ZC3H15: variants seen among roughly 807,000 people sequenced by gnomAD.
ZC3H15 encodes zinc finger CCCH domain-containing protein 15.
In ZC3H15, 15 loss-of-function variants were observed where a neutral mutation model predicts 51.2. The ratio of observed to expected loss-of-function variants is 0.29; its 90% CI spans 0.20 to 0.45. The LOEUF is 0.45. ZC3H15 is among the 20% of genes least tolerant of loss of function. The probability of loss-of-function intolerance (pLI) is 1.00; values close to 1 mark genes in which losing one functional copy is unlikely to be tolerated. For synonymous variants in ZC3H15, 144 were observed against 162.8 expected, an observed-to-expected ratio of 0.88 and a Z score of 0.88; for missense variants, 381 against 494.7, an observed-to-expected ratio of 0.77 and a Z score of 2.18.
intron 5 of ZC3H15, among the ~76,000 whole-genome samples, chr2:186,503,721 G>C (rs1260511103): frequency 6.6e-6 from 1 of 152,094 alleles, no homozygotes; most frequent in African/African-American, 2.4e-5. Context: ...TCTGATTCGG[G>C]GGCGTACATT....
intron 4 of ZC3H15, 28 bp downstream of exon 4, chr2:186,501,453 A>T: frequency 6.3e-7 from 1 of 1,590,944 alleles, no homozygotes; most frequent in African/African-American, 1.3e-5. Context: ...ACTCTCTTAA[A>T]AATAAATGTT....
intron 3 of ZC3H15, 135 bp downstream of exon 3, chr2:186,500,428 C>CCACTGACATAGGTAATT: frequency 1.3e-6 from 1 of 783,276 alleles, no homozygotes; most frequent in Non-Finnish European, 2.1e-6. Context: ...TCAAAATTAC[C>CCACTGACATAGGTAATT]TATGTCAGTG....
intron 9 of ZC3H15, 21 bp from the exon 10 acceptor site, chr2:186,508,522 G>A: frequency 6.2e-7 from 1 of 1,610,846 alleles, no homozygotes; most frequent in Non-Finnish European, 8.5e-7. Context: ...ACGCCTTACT[G>A]ATTCCAGTTT....
intron 1 of ZC3H15, among the ~76,000 whole-genome samples, chr2:186,492,214 T>C (rs1233155141): frequency 6.6e-6 from 1 of 152,194 alleles, no homozygotes; most frequent in Admixed American, 6.5e-5. Flanking sequence ...TATTTTTTTC[T>C]AGAGCCTCCT....
intron 3 of ZC3H15, among the ~76,000 whole-genome samples, chr2:186,500,975 C>A (rs527961394): frequency 1.7e-4 from 26 of 152,240 alleles, no homozygotes; most frequent in Non-Finnish European, 3.1e-4. Flanking sequence ...GCCTGGCCTC[C>A]TTTTTGCCTC....
rs1685456631 is a variant in ZC3H15 at position 186,505,757 on chromosome 2, G to A, written c.882G>A (p.Val294=). Residue 294 remains valine, a synonymous_variant, in exon 8 of 10, where the codon GTG becomes GTA. Coordinates refer to ENST00000337859, the MANE Select transcript of ZC3H15 (RefSeq NM_018471.3). ...GKALVISGRE[V]FEFRPELVND... is the part of the protein sequence containing the mutation. ...CTCAATAGATCAGTGGTCGTGAAGT[G>A]TTTGAATTTCGTCCTGAACTGGTCA... 1.2e-6 allele frequency: 2 copies of A among 1,614,100 alleles called. No individual in the cohort carries two copies. Among genetic ancestry groups the A allele is most frequent in the Non-Finnish European group, 1.7e-6 (2 of 1,179,994 alleles).
At chr2:186,493,627 A>T (rs1465033549) in intron 1 of ZC3H15, among the ~76,000 whole-genome samples, 1 of 152,032 alleles carries the variant, frequency 6.6e-6, no homozygotes, top group Non-Finnish European at 1.5e-5. Context: ...AAAACAACAG[A>T]AATTTATTCT....
At chr2:186,497,555 G>A (rs1169043253) in intron 2 of ZC3H15, among the ~76,000 whole-genome samples, 1 of 152,148 alleles carries the variant, frequency 6.6e-6, no homozygotes, top group Non-Finnish European at 1.5e-5. Context: ...GTCTTTATCT[G>A]TACTGTGGAA....
Position 186,506,792 on chromosome 2 carries a change from T to A in ZC3H15, c.1046T>A (p.Val349Glu), listed in dbSNP as rs1213107386. The change falls in exon 9 of 10, where the codon GTA becomes GAA. Residue 349 changes from valine to glutamate, a missense_variant. By Grantham distance (121) the Val-to-Glu change is moderately radical. Around this residue, in one of 3 missense-constraint regions of ZC3H15, gnomAD observed 215 missense variants for 241.8 expected, o/e 0.89. Coordinates refer to ENST00000337859, the MANE Select transcript of ZC3H15 (RefSeq NM_018471.3). ...GATGTAGATGAAACAGGTATTACTG[T>A]AGCCAGTCTTGAAAGATTCAGCACA... ...PRDVDETGIT[V>E]ASLERFSTYT... The A allele has an allele frequency of 1.9e-6, 3 of 1,613,756 alleles. No individual in the cohort carries two copies. The highest frequency in any genetic ancestry group is 2.5e-6 in the Non-Finnish European group (3 of 1,179,846).
intron 1 of ZC3H15, among the ~76,000 whole-genome samples, chr2:186,489,621 T>A (rs1484425586): frequency 6.6e-6 from 1 of 152,204 alleles, no homozygotes; most frequent in Non-Finnish European, 1.5e-5. Context: ...CACGTTTCAA[T>A]AGACTTGAAA....
Position 186,486,314 on chromosome 2 carries a change from G to C in ZC3H15, c.-69G>C, listed in dbSNP as rs532808797. The C allele has an allele frequency of 1.2e-5, 17 of 1,397,480 alleles. No homozygotes were observed. The African/African-American group carries it at 1.8e-4, about 15-fold the overall frequency. The allele number at this position is 1,397,480 out of a possible 1,614,324, so 86.6% of individuals were successfully genotyped here. A position where few individuals can be genotyped will look rare whatever the true frequency, so the allele number is the denominator to read the frequency against. On this transcript the variant is annotated 5_prime_UTR_variant, in exon 1 of 10. Transcript: ENST00000337859. Reference sequence around the variant, plus strand: ...AGGCCCCGGTCTTCCTCCTCGTCCTGCCGCAGGGCCAGAACCCCTGACGGT... The same window carrying C: ...AGGCCCCGGTCTTCCTCCTCGTCCTCCCGCAGGGCCAGAACCCCTGACGGT...
At chr2:186,502,186 C>CA (rs997649791) in intron 4 of ZC3H15, among the ~76,000 whole-genome samples, 2 of 151,676 alleles carry the variant, frequency 1.3e-5, no homozygotes, top group African/African-American at 4.8e-5. Context: ...CCCATCTCTA[C>CA]AAAAAAATAG....
chr2:186,506,465 T>C (rs1201761798), intron 8 of ZC3H15, among the ~76,000 whole-genome samples: 1 of 152,220 alleles, frequency 6.6e-6, no homozygotes, highest in African/African-American at 2.4e-5. Context: ...TCTTTTGTTT[T>C]TGTTTTTTAT....
rs1330983312 is a variant in ZC3H15 at position 186,501,278 on chromosome 2, G to C, written c.295G>C (p.Asp99His). ...VAAQKISKGA[D>H]PKSVVCAFFK... ...CCATATGCCATTTGACATAGGTGCA[G>C]ATCCCAAGTCTGTAGTATGTGCATT... Residue 99 changes from aspartate to histidine, a missense_variant, in exon 4 of 10, where the codon GAT becomes CAT. Around this residue, in one of 3 missense-constraint regions of ZC3H15, gnomAD observed 125 missense variants for 166.3 expected, o/e 0.75. Coordinates refer to ENST00000337859, the MANE Select transcript of ZC3H15 (RefSeq NM_018471.3). The C allele has an allele frequency of 6.2e-7, 1 of 1,605,372 alleles. No homozygotes were observed. Among genetic ancestry groups the C allele is most frequent in the East Asian group, 2.2e-5 (1 of 44,746 alleles).
At chr2:186,504,332 A>G (rs1402290028) in intron 6 of ZC3H15, 118 bp downstream of exon 6, 26 of 900,514 alleles carry the variant, frequency 2.9e-5, no homozygotes, top group South Asian at 1.8e-4. Context: ...ATTGTGATCT[A>G]TTCCCAAAGT....
chr2:186,495,097 T>C (rs2105587722), intron 1 of ZC3H15, 136 bp from the exon 2 acceptor site: 1 of 510,228 alleles, frequency 2.0e-6, no homozygotes, highest in East Asian at 3.7e-5. Flanking sequence ...TTGCCTTGAC[T>C]TGATGTTTAG....
intron 9 of ZC3H15, among the ~76,000 whole-genome samples, chr2:186,507,106 G>C (rs1219611449): frequency 2.0e-5 from 3 of 152,180 alleles, no homozygotes; most frequent in African/African-American, 7.2e-5. Context: ...ATGAGTTTGA[G>C]ATTTTTTGAT....
At chr2:186,502,416 C>T (rs1685400490) in intron 4 of ZC3H15, 80 bp from the exon 5 acceptor site, 3 of 1,207,436 alleles carry the variant, frequency 2.5e-6, no homozygotes, top group Admixed American at 4.6e-5. Flanking sequence ...TCTTATAACA[C>T]AGCATTAGTG....
chr2:186,507,522 A>G (rs1440665527), intron 9 of ZC3H15: 3 of 455,698 alleles, frequency 6.6e-6, no homozygotes, highest in Non-Finnish European at 1.3e-5. Flanking sequence ...GAAGCAATAC[A>G]TGAAAGTATA....
Sources: allele counts gnomAD v4.1 joint callset (sites outside exome capture counted in the v4.1 genomes callset), GRCh38; gene constraint gnomAD v4.1.1; regional missense constraint gnomAD v4.1.1; transcripts MANE v1.5; gene names NCBI Gene and HGNC (gene_info 2026-07-23, HGNC 2026-07-21).